IGSF21: variants seen among roughly 807,000 people sequenced by gnomAD.
The protein encoded by IGSF21 is immunoglobulin superfamily member 21.
In IGSF21, 28 loss-of-function variants were observed where a neutral mutation model predicts 46.8. That is an observed-to-expected ratio of 0.60 (90% CI 0.44 to 0.82). IGSF21 has a LOEUF of 0.82. Ranked by LOEUF, IGSF21 falls within the 40% of genes least tolerant of loss-of-function variation. IGSF21 has a pLI of 0.00. For missense variants in IGSF21, 624 were observed against 665.5 expected (o/e 0.94, Z 0.69); for synonymous variants, 284 against 273.6 (o/e 1.04, Z -0.38).
intron 2 of IGSF21, among the ~76,000 whole-genome samples, chr1:18,276,083 C>A (rs556632533): frequency 6.6e-6 from 1 of 152,216 alleles, no homozygotes; most frequent in Non-Finnish European, 1.5e-5. Context: ...GCACAACCAT[C>A]TTCCCCCAAC....
At chr1:18,362,332 G>C (rs1350953147) in intron 5 of IGSF21, 102 bp downstream of exon 5, 1 of 808,932 alleles carries the variant, frequency 1.2e-6, no homozygotes, top group East Asian at 2.7e-5. Flanking sequence ...GAAAGGGAGT[G>C]GTTGGCCAGG....
At chr1:18,277,665 G>T (rs982018498) in intron 2 of IGSF21, among the ~76,000 whole-genome samples, 3 of 152,136 alleles carry the variant, frequency 2.0e-5, no homozygotes, top group African/African-American at 7.2e-5. Context: ...CAAACATAGC[G>T]TCTCCTTGAC....
chr1:18,238,907 C>T (rs11260965), intron 2 of IGSF21, among the ~76,000 whole-genome samples: 31 of 152,018 alleles, frequency 2.0e-4, no homozygotes, highest in African/African-American at 7.5e-4. Flanking sequence ...GAGATGGTCT[C>T]TAAGGAATAT....
intron 4 of IGSF21, among the ~76,000 whole-genome samples, chr1:18,348,365 CA>C (rs2085916105): frequency 1.3e-5 from 2 of 152,174 alleles, no homozygotes; most frequent in Non-Finnish European, 2.9e-5. Context: ...TCTCACATAC[CA>C]GGGCTCCCCT....
chr1:18,252,764 G>A (rs1048969328), intron 2 of IGSF21, among the ~76,000 whole-genome samples: 10 of 152,248 alleles, frequency 6.6e-5, no homozygotes, highest in South Asian at 2.1e-4. Flanking sequence ...TACGGGGGCC[G>A]GGGGTACAAA....
rs2085610902 is a variant in IGSF21 at position 18,322,312 on chromosome 1, A to G, written c.306-12580A>G. 6.6e-6 allele frequency among the ~76,000 whole-genome samples: 1 copy of G among 151,940 alleles called. No homozygotes were observed. The highest frequency in any genetic ancestry group is 2.1e-4 in the South Asian group (1 of 4,804). On this transcript the variant is annotated intron_variant, in intron 3 of 9. Transcript: ENST00000251296. The surrounding 1 kb of genome is among the most constrained non-coding windows in gnomAD (Gnocchi z 4.3). Reference sequence around the variant, plus strand: ...ATTGAAAAAAGATCATAGAAACAACAGGTTGAGGAAGTCCGGGAAACCCAG... The same window carrying G: ...ATTGAAAAAAGATCATAGAAACAACGGGTTGAGGAAGTCCGGGAAACCCAG...
intron 2 of IGSF21, among the ~76,000 whole-genome samples, chr1:18,289,595 T>C (rs2085247405): frequency 1.3e-5 from 2 of 152,080 alleles, no homozygotes; most frequent in Admixed American, 1.3e-4. Context: ...AGCCACACAA[T>C]GTGATGGGCT....
At chr1:18,108,354 G>A (rs918153577) in intron 1 of IGSF21, among the ~76,000 whole-genome samples, 156 bp downstream of exon 1, 1 of 152,164 alleles carries the variant, frequency 6.6e-6, no homozygotes, top group South Asian at 2.1e-4. Context: ...ATGAGGGAGG[G>A]AGGACGCCTC....
chr1:18,252,095 G>T (rs187213886), intron 2 of IGSF21, among the ~76,000 whole-genome samples: 14 of 106,262 alleles, frequency 1.3e-4, no homozygotes, highest in Admixed American at 4.5e-4. Flanking sequence ...CTGTCACCCC[G>T]GCTGGAGTGC....
intron 2 of IGSF21, among the ~76,000 whole-genome samples, chr1:18,285,231 A>G (rs1318099803): frequency 6.7e-6 from 1 of 148,822 alleles, no homozygotes; most frequent in East Asian, 2.0e-4. Flanking sequence ...ACCCAGGGAC[A>G]TTGGTGAGGC....
chr1:18,221,291 T>C (rs754758345), intron 1 of IGSF21, among the ~76,000 whole-genome samples: 2 of 152,218 alleles, frequency 1.3e-5, no homozygotes, highest in Non-Finnish European at 2.9e-5. Flanking sequence ...TTGTCAGTTT[T>C]AGGTGCTGAA....
chr1:18,141,600 G>A (rs983831406), intron 1 of IGSF21, among the ~76,000 whole-genome samples: 9 of 152,116 alleles, frequency 5.9e-5, no homozygotes, highest in Admixed American at 2.6e-4. Context: ...TGAGGGACCT[G>A]GAGAGCTAAT....
At chr1:18,328,861 G>A (rs2085684105) in intron 3 of IGSF21, among the ~76,000 whole-genome samples, 1 of 152,144 alleles carries the variant, frequency 6.6e-6, no homozygotes, top group Non-Finnish European at 1.5e-5. Flanking sequence ...ACCAGGAAAG[G>A]AAAGCTAAGC....
At chr1:18,324,443 G>A (rs76051269) in intron 3 of IGSF21, among the ~76,000 whole-genome samples, 3,701 of 152,242 alleles carry the variant, frequency 0.024, 91 homozygotes, top group African/African-American at 0.063. Context: ...CTCCCCAACC[G>A]CCTGCAGGGG....
intron 4 of IGSF21, chr1:18,361,833 G>A (rs890732001): frequency 3.0e-6 from 1 of 333,560 alleles, no homozygotes; most frequent in Admixed American, 4.6e-5. Flanking sequence ...TGCCTCCGGG[G>A]ATCTGATGCA....
At chr1:18,225,081 TCTCTCACACA>T (rs1407048212) in intron 1 of IGSF21, among the ~76,000 whole-genome samples, 27 of 31,216 alleles carry the variant, frequency 8.6e-4, no homozygotes, top group Non-Finnish European at 1.9e-3. Context: ...TCTCTCTCTC[TCTCTCACACA>T]CACACACACA....
At chr1:18,152,961 G>T (rs2086534253) in intron 1 of IGSF21, among the ~76,000 whole-genome samples, 1 of 152,188 alleles carries the variant, frequency 6.6e-6, no homozygotes, top group South Asian at 2.1e-4. Context: ...AGATAATGCA[G>T]TTAACAAGCC....
intron 4 of IGSF21, among the ~76,000 whole-genome samples, chr1:18,343,353 A>C (rs2085861975): frequency 6.6e-6 from 1 of 152,216 alleles, no homozygotes; most frequent in Admixed American, 6.5e-5. Context: ...TAAGTCCCTT[A>C]TCAGGTGTAT....
intron 2 of IGSF21, among the ~76,000 whole-genome samples, chr1:18,273,334 CCTTTCCTTT>C (rs1375905505): frequency 0.022 from 1,647 of 75,782 alleles, 108 homozygotes; most frequent in Admixed American, 0.05. Context: ...AGCCACCATT[CCTTTCCTTT>C]CCTTTCCTTT....
Sources: gnomAD v4.1 joint callset for allele counts (sites outside exome capture counted in the v4.1 genomes callset) on GRCh38, gnomAD v4.1.1 for gene constraint, Gnocchi (gnomAD v3.1) non-coding constraint, MANE v1.5 for transcripts, NCBI Gene and HGNC (gene_info 2026-07-23, HGNC 2026-07-21) for gene names.